The following PPFIBP1 variants were observed in gnomAD, a reference collection of about 807,000 sequenced individuals.
The protein encoded by PPFIBP1 is liprin-beta-1.
Under a neutral mutation model 137.8 loss-of-function variants are expected in PPFIBP1, and 112 were observed. The observed-to-expected ratio is 0.81, with a 90% CI of 0.70 to 0.95. PPFIBP1 has a LOEUF of 0.95. PPFIBP1 is among the 40% of genes least tolerant of loss of function. The pLI is 0.00. For missense variants in PPFIBP1, 1,083 were observed against 1,196.6 expected, an observed-to-expected ratio of 0.91 and a Z score of 1.40; for synonymous variants, 378 against 417.3, an observed-to-expected ratio of 0.91 and a Z score of 1.15.
chr12:27,666,655 G>A (rs887360638), intron 12 of PPFIBP1, among the ~76,000 whole-genome samples: 4 of 152,128 alleles, frequency 2.6e-5, no homozygotes, highest in African/African-American at 9.7e-5. Flanking sequence ...TGGGATAAAA[G>A]GATCCTCTTG....
At chr12:27,654,873 C>T in intron 8 of PPFIBP1, 59 bp downstream of exon 8, 1 of 1,529,452 alleles carries the variant, frequency 6.5e-7, no homozygotes, top group Non-Finnish European at 8.8e-7. Context: ...TCATCTATGC[C>T]CAATAATATA....
intron 9 of PPFIBP1, 54 bp from the exon 10 acceptor site, chr12:27,658,762 T>C (rs2059367444): frequency 7.9e-6 from 12 of 1,523,072 alleles, no homozygotes; most frequent in Non-Finnish European, 9.9e-6. Flanking sequence ...TTAAAAATAT[T>C]ACTTATTGTT....
At chr12:27,656,527 C>T (rs2059210116) in intron 8 of PPFIBP1, 89 bp from the exon 9 acceptor site, 3 of 803,098 alleles carry the variant, frequency 3.7e-6, no homozygotes, top group Non-Finnish European at 6.3e-6. Flanking sequence ...TTCATAAAAC[C>T]TGATTATTGA....
chr12:27,580,460 C>T (rs945600713), intron 2 of PPFIBP1, among the ~76,000 whole-genome samples: 3 of 152,166 alleles, frequency 2.0e-5, no homozygotes, highest in Non-Finnish European at 4.4e-5. Flanking sequence ...AAATCTCCGC[C>T]TCTAAGATTC....
intron 2 of PPFIBP1, among the ~76,000 whole-genome samples, chr12:27,620,308 C>T (rs978390638): frequency 4.6e-5 from 7 of 152,170 alleles, no homozygotes; most frequent in South Asian, 2.1e-4. Context: ...ACTCCCACCA[C>T]GCCTTCTGTG....
chr12:27,530,175 A>C (rs1944256747), intron 1 of PPFIBP1, among the ~76,000 whole-genome samples: 1 of 152,262 alleles, frequency 6.6e-6, no homozygotes, highest in Admixed American at 6.5e-5. Context: ...GCTGCCTCTT[A>C]TAACAACACA....
chr12:27,658,704 G>A (rs1480416416), intron 9 of PPFIBP1, 112 bp from the exon 10 acceptor site: 6 of 1,183,704 alleles, frequency 5.1e-6, no homozygotes, highest in Non-Finnish European at 7.3e-6. Context: ...GTTTTTATGA[G>A]GTTAGATTTC....
At chr12:27,688,507 T>C in intron 26 of PPFIBP1, 84 bp downstream of exon 26, 8 of 1,527,564 alleles carry the variant, frequency 5.2e-6, no homozygotes, top group Non-Finnish European at 7.1e-6. Flanking sequence ...TTGCTTATCA[T>C]AATCCTAAAG....
intron 8 of PPFIBP1, among the ~76,000 whole-genome samples, chr12:27,655,654 G>A (rs908174527): frequency 6.6e-5 from 10 of 152,062 alleles, no homozygotes; most frequent in African/African-American, 1.9e-4. Context: ...GAAGCAGCAC[G>A]GTGAGAACAG....
At chr12:27,627,962 T>C (rs551947577) in intron 2 of PPFIBP1, among the ~76,000 whole-genome samples, 29 of 152,062 alleles carry the variant, frequency 1.9e-4, no homozygotes, top group Non-Finnish European at 3.5e-4. Context: ...ACGGAGCTCA[T>C]TTCTCTGTTT....
intron 16 of PPFIBP1, 82 bp from the exon 17 acceptor site, chr12:27,674,110 C>T: frequency 1.9e-6 from 2 of 1,065,618 alleles, no homozygotes; most frequent in Non-Finnish European, 2.8e-6. Context: ...ATTATTTTAA[C>T]TTATGGAGTT....
At chr12:27,554,098 C>T (rs1397202014) in intron 1 of PPFIBP1, among the ~76,000 whole-genome samples, 3 of 152,170 alleles carry the variant, frequency 2.0e-5, no homozygotes, top group Non-Finnish European at 2.9e-5. Flanking sequence ...ATGTATATTA[C>T]GGTAAATGGC....
chr12:27,638,562 A>G (rs2057860158), intron 4 of PPFIBP1, among the ~76,000 whole-genome samples: 3 of 152,236 alleles, frequency 2.0e-5, no homozygotes, highest in African/African-American at 7.2e-5. Flanking sequence ...GACCCTGTGA[A>G]CTAACATATG....
At chr12:27,654,675 C>CT in intron 7 of PPFIBP1, 47 bp from the exon 8 acceptor site, 2 of 1,588,056 alleles carry the variant, frequency 1.3e-6, no homozygotes, top group Middle Eastern at 2.3e-4. Context: ...GTATAGGTAA[C>CT]TGTGTTACCA....
At chr12:27,643,106 A>C (rs1427032831) in intron 4 of PPFIBP1, among the ~76,000 whole-genome samples, 1 of 150,262 alleles carries the variant, frequency 6.7e-6, no homozygotes, top group Non-Finnish European at 1.5e-5. Flanking sequence ...CCTCCTAAAC[A>C]TAGTGGGAAG....
chr12:27,646,330 T>A, intron 5 of PPFIBP1, 182 bp downstream of exon 5: 4 of 641,160 alleles, frequency 6.2e-6, no homozygotes, highest in Non-Finnish European at 8.7e-6. Context: ...TACACCCAGT[T>A]TAAAAGGAGC....
At chr12:27,656,884 T>A in intron 9 of PPFIBP1, 154 bp downstream of exon 9, 1 of 554,350 alleles carries the variant, frequency 1.8e-6, no homozygotes, top group Non-Finnish European at 3.3e-6. Flanking sequence ...TCTCCAAGAC[T>A]CTTTACTGTG....
At chr12:27,600,752 T>C (rs2053891319) in intron 2 of PPFIBP1, among the ~76,000 whole-genome samples, 1 of 152,216 alleles carries the variant, frequency 6.6e-6, no homozygotes, top group African/African-American at 2.4e-5. Flanking sequence ...TAATACTTAG[T>C]ATTACAGAGT....
chr12:27,664,221 T>C lies in PPFIBP1; in HGVS notation c.907-141T>C, dbSNP rs1301178332. 2.4e-5 allele frequency: 15 copies of C among 615,808 alleles called. No homozygotes were observed. The Admixed American group carries it at 4.3e-4, about 18-fold the overall frequency. The allele number at this position is 615,808 out of a possible 1,614,324, so 38.1% of individuals were successfully genotyped here. ...AATAAGGTAAATAATTCACATCTGC[T>C]TATTCTTTTTTTTAAATGCTCTCTC... On this transcript the variant is annotated intron_variant, in intron 11 of 29. Coordinates refer to ENST00000228425, the MANE Select transcript of PPFIBP1 (RefSeq NM_003622.4).
Sources: allele counts gnomAD v4.1 joint callset (sites outside exome capture counted in the v4.1 genomes callset), GRCh38; gene constraint gnomAD v4.1.1; transcripts MANE v1.5; gene names NCBI Gene and HGNC (gene_info 2026-07-23, HGNC 2026-07-21).